The following WWOX variants were observed in gnomAD, a reference collection of about 807,000 sequenced individuals.
WWOX encodes WW domain containing oxidoreductase, also known as WW domain-containing oxidoreductase.
Under a neutral mutation model 46.2 loss-of-function variants are expected in WWOX, and 69 were observed. That is an observed-to-expected ratio of 1.49 (90% CI 1.23 to 1.82). The LOEUF is 1.82. Among genes scored for constraint, WWOX ranks in the 40% most tolerant of loss-of-function variants. The pLI is 0.00. For missense variants in WWOX, 919 were observed against 542.6 expected, an observed-to-expected ratio of 1.69 and a Z score of -6.89; for synonymous variants, 359 against 202.6, an observed-to-expected ratio of 1.77 and a Z score of -6.56.
intron 8 of WWOX, among the ~76,000 whole-genome samples, chr16:78,492,789 C>T (rs1361424835): frequency 2.6e-5 from 4 of 152,148 alleles, no homozygotes; most frequent in African/African-American, 9.7e-5. Flanking sequence ...TTGTTTTCCA[C>T]CATTTGTAGC....
At chr16:78,341,009 A>C (rs8062830) in intron 5 of WWOX, among the ~76,000 whole-genome samples, 93,076 of 115,750 alleles carry the variant, frequency 0.8, 42,809 homozygotes, top group African/African-American at 0.94. Flanking sequence ...TTGTCTTTCA[A>C]CCCCATTTTC....
Position 78,924,080 on chromosome 16 carries a change from G to A in WWOX, c.1057-287528G>A, listed in dbSNP as rs985551445. Among the ~76,000 whole-genome samples the A allele has an allele frequency of 3.3e-5, 5 of 152,188 alleles. No individual in the cohort carries two copies. In the East Asian group the frequency reaches 9.7e-4, roughly 29 times the overall value. On this transcript the variant is annotated intron_variant, in intron 8 of 8. Transcript: ENST00000566780. ...ATTCCACCCACCTTGGCCTCCCAAA[G>A]TGCTGGGATTACAGACATGAGCCGC...
intron 8 of WWOX, among the ~76,000 whole-genome samples, chr16:78,965,409 A>G (rs993342921): frequency 2.6e-5 from 4 of 152,086 alleles, no homozygotes; most frequent in Non-Finnish European, 1.5e-5. Flanking sequence ...TCTGTACTGT[A>G]AATACAAAAA....
intron 8 of WWOX, among the ~76,000 whole-genome samples, chr16:78,542,945 G>A (rs1451330119): frequency 6.6e-6 from 1 of 152,204 alleles, no homozygotes; most frequent in East Asian, 1.9e-4. Context: ...AGAAAAATGA[G>A]AGGAGGAGAG....
chr16:78,742,442 C>A (rs1340887030), intron 8 of WWOX, among the ~76,000 whole-genome samples: 1 of 152,056 alleles, frequency 6.6e-6, no homozygotes, highest in Non-Finnish European at 1.5e-5. Flanking sequence ...ATAGTCAGCA[C>A]CTATGCAGGT....
At chr16:78,411,359 T>C (rs2082676507) in intron 6 of WWOX, among the ~76,000 whole-genome samples, 2 of 152,192 alleles carry the variant, frequency 1.3e-5, no homozygotes. Context: ...AGAGGGCTAA[T>C]CAACGTGTTG....
intron 8 of WWOX, among the ~76,000 whole-genome samples, chr16:78,797,634 GT>G (rs2050778694): frequency 6.6e-6 from 1 of 152,056 alleles, no homozygotes; most frequent in South Asian, 2.1e-4. Context: ...AGGAAGATTC[GT>G]CCAGTCTCAA....
intron 8 of WWOX, among the ~76,000 whole-genome samples, chr16:78,484,116 G>C (rs750713592): frequency 6.6e-6 from 1 of 152,158 alleles, no homozygotes; most frequent in Non-Finnish European, 1.5e-5. Flanking sequence ...TGAATACATT[G>C]TCTTTTTGCA....
intron 8 of WWOX, among the ~76,000 whole-genome samples, chr16:78,870,711 C>T (rs1435725592): frequency 2.6e-5 from 4 of 152,138 alleles, no homozygotes; most frequent in Non-Finnish European, 4.4e-5. Context: ...AAGCAATTCT[C>T]CTGCCTCAGT....
At chr16:78,719,887 A>G (rs887434733) in intron 8 of WWOX, among the ~76,000 whole-genome samples, 1 of 152,186 alleles carries the variant, frequency 6.6e-6, no homozygotes, top group Non-Finnish European at 1.5e-5. Flanking sequence ...TTTTTCTGCA[A>G]AATATTATTT....
At chr16:78,150,919 C>T (rs2034383338) in intron 4 of WWOX, among the ~76,000 whole-genome samples, 1 of 152,152 alleles carries the variant, frequency 6.6e-6, no homozygotes, top group African/African-American at 2.4e-5. Context: ...TGTCACCCAC[C>T]CAGGCTGGAG....
chr16:78,319,452 G>C (rs1215704316), intron 5 of WWOX, among the ~76,000 whole-genome samples: 2 of 151,958 alleles, frequency 1.3e-5, no homozygotes, highest in African/African-American at 4.8e-5. Context: ...AGTAGAGGTG[G>C]GGTTTCATCA....
intron 8 of WWOX, among the ~76,000 whole-genome samples, chr16:78,931,269 A>G (rs188342836): frequency 1.3e-5 from 2 of 152,312 alleles, no homozygotes; most frequent in East Asian, 3.9e-4. Flanking sequence ...GCAGGTCAGC[A>G]TGCTCTAGGA....
chr16:78,740,764 G>T (rs1176279853), intron 8 of WWOX, among the ~76,000 whole-genome samples: 1 of 152,160 alleles, frequency 6.6e-6, no homozygotes, highest in Non-Finnish European at 1.5e-5. Context: ...CACCCTGGTG[G>T]ATATCTTGGT....
chr16:78,611,058 A>G (rs7199381), intron 8 of WWOX, among the ~76,000 whole-genome samples: 2,805 of 152,328 alleles, frequency 0.018, 86 homozygotes, highest in African/African-American at 0.063. Context: ...ATGTTGTTTA[A>G]TTGAGTTTAA....
At chr16:78,748,819 G>C (rs546467233) in intron 8 of WWOX, among the ~76,000 whole-genome samples, 3 of 152,348 alleles carry the variant, frequency 2.0e-5, no homozygotes, top group Admixed American at 6.5e-5. Flanking sequence ...CACAGATGCT[G>C]CCCAAATCCT....
At chr16:78,216,679 G>A (rs1425543878) in intron 5 of WWOX, among the ~76,000 whole-genome samples, 1 of 151,284 alleles carries the variant, frequency 6.6e-6, no homozygotes, top group African/African-American at 2.4e-5. Flanking sequence ...TACCTTTAGG[G>A]ATCTTTGTGA....
intron 8 of WWOX, among the ~76,000 whole-genome samples, chr16:78,945,204 A>G (rs1241877258): frequency 1.3e-5 from 2 of 152,150 alleles, no homozygotes; most frequent in Non-Finnish European, 2.9e-5. Context: ...AAAAAGAAAG[A>G]AAAAGCTTTG....
intron 7 of WWOX, among the ~76,000 whole-genome samples, chr16:78,429,963 C>T (rs1410244725): frequency 6.6e-6 from 1 of 152,154 alleles, no homozygotes; most frequent in Non-Finnish European, 1.5e-5. Context: ...TTGCAGACTC[C>T]AGCACCACCA....
Sources: gnomAD v4.1 joint callset for allele counts (sites outside exome capture counted in the v4.1 genomes callset) on GRCh38, gnomAD v4.1.1 for gene constraint, MANE v1.5 for transcripts, NCBI Gene and HGNC (gene_info 2026-07-23, HGNC 2026-07-21) for gene names.